The following GPC5 variants were observed in gnomAD, a reference collection of about 807,000 sequenced individuals.
GPC5 encodes the protein glypican 5, also known as glypican-5.
In GPC5, 47 loss-of-function variants were observed where a neutral mutation model predicts 53.9. That is an observed-to-expected ratio of 0.87 (90% CI 0.69 to 1.11). GPC5 has a LOEUF of 1.11. GPC5 is among the 50% of genes most tolerant of loss of function. The pLI, the probability that GPC5 is intolerant of heterozygous loss-of-function variation, is 0.00. For missense variants in GPC5, 748 were observed against 713.1 expected (o/e 1.05, Z -0.56); for synonymous variants, 286 against 263.3 (o/e 1.09, Z -0.84).
intron 7 of GPC5, among the ~76,000 whole-genome samples, chr13:92,701,867 GA>G (rs1174252878): frequency 6.6e-6 from 1 of 152,046 alleles, no homozygotes; most frequent in Non-Finnish European, 1.5e-5. Context: ...AAATACTAGG[GA>G]AAATAAAAGC....
At chr13:91,559,639 G>C (rs772061582) in intron 2 of GPC5, among the ~76,000 whole-genome samples, 1 of 152,074 alleles carries the variant, frequency 6.6e-6, no homozygotes, top group African/African-American at 2.4e-5. Flanking sequence ...TGGCTGTATT[G>C]AACCCCTAAG....
chr13:92,542,092 A>C (rs1390815049), intron 7 of GPC5, among the ~76,000 whole-genome samples: 1 of 152,078 alleles, frequency 6.6e-6, no homozygotes, highest in Non-Finnish European at 1.5e-5. Flanking sequence ...GGAATAAAGC[A>C]TAATGTATCA....
chr13:92,117,834 G>C (rs549782449), intron 6 of GPC5, among the ~76,000 whole-genome samples: 1 of 152,190 alleles, frequency 6.6e-6, no homozygotes, highest in South Asian at 2.1e-4. Flanking sequence ...CACATATTGA[G>C]CATTTTAATA....
chr13:92,725,408 CA>C (rs1888615584), intron 7 of GPC5, among the ~76,000 whole-genome samples: 1 of 151,000 alleles, frequency 6.6e-6, no homozygotes, highest in East Asian at 1.9e-4. Flanking sequence ...GTGGGCTAAA[CA>C]ACATTTATGA....
chr13:92,796,578 A>C (rs1876693411), intron 7 of GPC5, among the ~76,000 whole-genome samples: 1 of 151,904 alleles, frequency 6.6e-6, no homozygotes, highest in African/African-American at 2.4e-5. Flanking sequence ...GAACATTACC[A>C]ATCTTAGGGT....
intron 5 of GPC5, among the ~76,000 whole-genome samples, chr13:91,863,001 T>C (rs573674479): frequency 6.6e-6 from 1 of 151,204 alleles, no homozygotes; most frequent in African/African-American, 2.4e-5. Context: ...CTTTTTCTCC[T>C]CCCTCTCCCT....
intron 7 of GPC5, among the ~76,000 whole-genome samples, chr13:92,215,074 T>G (rs1456633405): frequency 6.6e-6 from 1 of 152,228 alleles, no homozygotes; most frequent in African/African-American, 2.4e-5. Flanking sequence ...CAATTCATAT[T>G]GTTTCAAGCC....
At chr13:92,047,442 A>ATATAT (rs765582257) in intron 6 of GPC5, among the ~76,000 whole-genome samples, 1 of 99,820 alleles carries the variant, frequency 1.0e-5, no homozygotes, top group Admixed American at 1.2e-4. Context: ...ATATATATAT[A>ATATAT]TTTTTTTTTC....
intron 2 of GPC5, among the ~76,000 whole-genome samples, chr13:91,514,595 T>TA (rs915378225): frequency 8.6e-5 from 13 of 151,984 alleles, no homozygotes; most frequent in African/African-American, 2.4e-4. Flanking sequence ...TCAACAATTA[T>TA]AAAAAAAATC....
chr13:92,716,173 A>G (rs942920054), intron 7 of GPC5, among the ~76,000 whole-genome samples: 1 of 152,158 alleles, frequency 6.6e-6, no homozygotes, highest in Non-Finnish European at 1.5e-5. Context: ...TATTCTTCAT[A>G]CAATCTGGTG....
rs951859033 is a variant in GPC5 at position 91,398,892 on chromosome 13, G to A, written c.-155G>A. ...CTCCGGGAAGAGCTAACTGCTCCCA[G>A]GTGAAGCCGGTGCCCGCGGGCGGTC... On this transcript the variant is annotated 5_prime_UTR_variant, in exon 1 of 8. Coordinates refer to ENST00000377067, the MANE Select transcript of GPC5 (RefSeq NM_004466.6). The A allele has an allele frequency of 3.6e-4, 307 of 864,216 alleles. 1 individual carries two copies. Among genetic ancestry groups the A allele is most frequent in the Non-Finnish European group, 4.8e-4 (281 of 588,468 alleles). The allele number at this position is 864,216 out of a possible 1,614,324, so 53.5% of individuals were successfully genotyped here.
chr13:92,188,307 G>A (rs910094418), intron 7 of GPC5, among the ~76,000 whole-genome samples: 3 of 152,116 alleles, frequency 2.0e-5, no homozygotes, highest in Non-Finnish European at 4.4e-5. Context: ...GATGAAAGGG[G>A]CTCAACTTGA....
chr13:91,952,649 G>C (rs1250157806), intron 6 of GPC5, among the ~76,000 whole-genome samples: 1 of 152,048 alleles, frequency 6.6e-6, no homozygotes, highest in African/African-American at 2.4e-5. Flanking sequence ...GTAGGAATAG[G>C]TTTTAACAAA....
At chr13:92,758,240 C>G (rs1049032535) in intron 7 of GPC5, among the ~76,000 whole-genome samples, 2 of 149,496 alleles carry the variant, frequency 1.3e-5, no homozygotes, top group Non-Finnish European at 3.0e-5. Flanking sequence ...GAACAAAAAA[C>G]CAAACACCAC....
chr13:91,430,077 T>C (rs1444680962), intron 1 of GPC5, among the ~76,000 whole-genome samples: 3 of 152,122 alleles, frequency 2.0e-5, no homozygotes, highest in Non-Finnish European at 2.9e-5. Context: ...TTAAATAACA[T>C]TTTTCTTTTT....
At chr13:91,983,871 C>A (rs1007245751) in intron 6 of GPC5, among the ~76,000 whole-genome samples, 6 of 152,150 alleles carry the variant, frequency 3.9e-5, no homozygotes, top group Non-Finnish European at 2.9e-5. Context: ...CCGATTTGTG[C>A]CCAACCAGTC....
At chr13:92,426,933 A>T (rs1876862374) in intron 7 of GPC5, among the ~76,000 whole-genome samples, 1 of 152,040 alleles carries the variant, frequency 6.6e-6, no homozygotes, top group Non-Finnish European at 1.5e-5. Context: ...TAAATCATTC[A>T]GGAAATTGAG....
At chr13:91,561,730 A>G (rs2031272729) in intron 2 of GPC5, among the ~76,000 whole-genome samples, 1 of 152,032 alleles carries the variant, frequency 6.6e-6, no homozygotes, top group South Asian at 2.1e-4. Flanking sequence ...AGTAACTGTG[A>G]ATTATTGTAA....
intron 7 of GPC5, among the ~76,000 whole-genome samples, chr13:92,527,182 GAAGAAAGAAAGAAAGAAAGAAAGAAAGA>G (rs1168907594): frequency 1.6e-4 from 7 of 45,158 alleles, no homozygotes; most frequent in Admixed American, 5.9e-4. Context: ...GAGAAAGAAA[GAAGAAAGAAAGAAAGAAAGAAAGAAAGA>G]AAGAAAGAAA....
Sources: allele counts gnomAD v4.1 joint callset (sites outside exome capture counted in the v4.1 genomes callset), GRCh38; gene constraint gnomAD v4.1.1; transcripts MANE v1.5; gene names NCBI Gene and HGNC (gene_info 2026-07-23, HGNC 2026-07-21).